The following SLC25A33 variants were observed in gnomAD, a reference collection of about 807,000 sequenced individuals.
SLC25A33 encodes the protein bone marrow stromal cell mitochondrial carrier protein.
A neutral mutation model predicts 35.5 loss-of-function variants in SLC25A33; 15 were observed. The ratio of observed to expected loss-of-function variants is 0.42; its 90% CI spans 0.28 to 0.65. The LOEUF (loss-of-function observed/expected upper bound fraction) is 0.65, where lower values mean the gene tolerates loss of function less well. SLC25A33 is among the 30% of genes least tolerant of loss of function. SLC25A33 has a pLI of 0.20. For missense variants in SLC25A33, 257 were observed against 398.5 expected (o/e 0.64, Z 3.02); for synonymous variants, 136 against 148.7 (o/e 0.91, Z 0.62).
chr1:9,547,743 G>A (rs913076522), intron 1 of SLC25A33, among the ~76,000 whole-genome samples: 1 of 151,406 alleles, frequency 6.6e-6, no homozygotes, highest in African/African-American at 2.4e-5. Flanking sequence ...TTTTATTACT[G>A]GGGTGGGGAC....
At chr1:9,575,827 T>G (rs925885313) in intron 5 of SLC25A33, among the ~76,000 whole-genome samples, 1 of 152,248 alleles carries the variant, frequency 6.6e-6, no homozygotes, top group African/African-American at 2.4e-5. Context: ...CAGACTCTTT[T>G]GATGAATCTG....
At chr1:9,548,017 G>T (rs1025025807) in intron 1 of SLC25A33, among the ~76,000 whole-genome samples, 8 of 151,886 alleles carry the variant, frequency 5.3e-5, no homozygotes, top group Non-Finnish European at 1.0e-4. Context: ...TGGGACTACA[G>T]GTGCGCACCA....
intron 4 of SLC25A33, 56 bp downstream of exon 4, chr1:9,570,414 C>A: frequency 1.4e-6 from 2 of 1,420,568 alleles, no homozygotes; most frequent in Middle Eastern, 1.8e-4. Flanking sequence ...CTAAAGCATG[C>A]ATTGTGCCAG....
At chr1:9,560,717 T>G (rs1643411413) in intron 2 of SLC25A33, among the ~76,000 whole-genome samples, 1 of 151,650 alleles carries the variant, frequency 6.6e-6, no homozygotes, top group Non-Finnish European at 1.5e-5. Flanking sequence ...AGTATTCTGT[T>G]AAAGAAAAAA....
At chr1:9,540,144 T>C (rs1430603440) in intron 1 of SLC25A33, among the ~76,000 whole-genome samples, 3 of 149,096 alleles carry the variant, frequency 2.0e-5, no homozygotes, top group Non-Finnish European at 4.5e-5. Context: ...TCAGAGCCCG[T>C]GGTAGGATCG....
In SLC25A33 at chr1:9,580,854, CAAAAAAA is replaced by C. The variant is rs200156885; in HGVS notation, c.763+627_763+633del. 2.9e-3 allele frequency among the ~76,000 whole-genome samples: 400 copies of C among 139,376 alleles called. 3 individuals are homozygous for C. Among genetic ancestry groups the C allele is most frequent in the African/African-American group, 9.6e-3 (348 of 36,288 alleles). The allele number at this position is 139,376 out of a possible 152,430, so 91.4% of individuals were successfully genotyped here. On this transcript the variant is annotated intron_variant, in intron 6 of 6. Transcript: ENST00000302692. ...CTGGCAACAGAGCGAGACTCTGTCT[CAAAAAAA>C]AAAAAATAATAATAATAATAATAAT... is the stretch of plus-strand genomic sequence containing the variant.
chr1:9,546,601 G>C (rs1643174182), intron 1 of SLC25A33, among the ~76,000 whole-genome samples: 1 of 152,160 alleles, frequency 6.6e-6, no homozygotes, highest in African/African-American at 2.4e-5. Flanking sequence ...ACAAGCATGA[G>C]TCCCAGCTGG....
At chr1:9,568,723 C>T (rs1483581662) in intron 3 of SLC25A33, among the ~76,000 whole-genome samples, 2 of 151,988 alleles carry the variant, frequency 1.3e-5, no homozygotes, top group African/African-American at 4.8e-5. Context: ...TGATGGCTGG[C>T]ACCTGTAGTC....
chr1:9,552,110 G>T (rs1256641205), intron 1 of SLC25A33, among the ~76,000 whole-genome samples: 1 of 152,168 alleles, frequency 6.6e-6, no homozygotes, highest in Non-Finnish European at 1.5e-5. Context: ...CAAATGATTG[G>T]CTTAGGGGAA....
chr1:9,553,230 G>GTTTTTTTTTTTTTTTTTTTTTTT (rs1340250968), intron 1 of SLC25A33, among the ~76,000 whole-genome samples: 1 of 91,214 alleles, frequency 1.1e-5, no homozygotes, highest in Non-Finnish European at 2.0e-5. Context: ...TTTTTTTTGG[G>GTTTTTTTTTTTTTTTTTTTTTTT]TTTTTTTTTT....
rs531219918 is a variant in SLC25A33, at chr1:9,553,668, A to G, written c.99A>G (p.Glu33=). The change falls in exon 2 of 7, where the codon GAA becomes GAG. Residue 33 remains glutamate (E), a synonymous_variant. Transcript: ENST00000302692. ...GTGCTATTTTCACTTGTCCACTAGA[A>G]GTCATTAAGACACGGTTGCAGTCTT... ...TVGAIFTCPL[E]VIKTRLQSSR... is the part of the protein sequence containing the mutation. The G allele has an allele frequency of 8.7e-6, 14 of 1,614,006 alleles. No individual in the cohort carries two copies. In the African/African-American group the frequency reaches 1.6e-4, roughly 18 times the overall value.
intron 1 of SLC25A33, among the ~76,000 whole-genome samples, chr1:9,541,010 T>C (rs908288925): frequency 2.0e-5 from 3 of 151,952 alleles, no homozygotes; most frequent in Non-Finnish European, 4.4e-5. Flanking sequence ...GAGGGAGTCT[T>C]CCTCTGTCGC....
At chr1:9,580,291 G>A (rs1262628689) in intron 6 of SLC25A33, 57 bp downstream of exon 6, 3 of 1,582,786 alleles carry the variant, frequency 1.9e-6, no homozygotes, top group Non-Finnish European at 2.6e-6. Flanking sequence ...TTTGTTGTTT[G>A]TGGGTATATC....
rs745917153 is a variant in SLC25A33, at chr1:9,573,329, GT to G, written c.416-5del. On this transcript the variant is annotated splice_polypyrimidine_tract_variant and intron_variant, in intron 4 of 6. Transcript: ENST00000302692. Reference sequence around the variant, plus strand: ...ACTATGTACAGTGTTGACCTTTACTGTTTTTTTTTTTTCCAGCTTTTATCAC... The same window carrying G: ...ACTATGTACAGTGTTGACCTTTACTGTTTTTTTTTTTCCAGCTTTTATCAC... The G allele has an allele frequency of 0.047, 52,910 of 1,132,320 alleles. 455 individuals carry two copies. The highest frequency in any genetic ancestry group is 0.15 in the African/African-American group (9,450 of 63,272). The allele number at this position is 1,132,320 out of a possible 1,614,324, so 70.1% of individuals were successfully genotyped here. A position where few individuals can be genotyped will look rare whatever the true frequency, so the allele number is the denominator to read the frequency against.
At chr1:9,552,235 T>A (rs1039703643) in intron 1 of SLC25A33, among the ~76,000 whole-genome samples, 2 of 151,946 alleles carry the variant, frequency 1.3e-5, no homozygotes, top group Non-Finnish European at 2.9e-5. Flanking sequence ...TTTTTTTTTT[T>A]AAGACAGTCT....
At chr1:9,564,739 AATATATAT>A (rs70979762) in intron 2 of SLC25A33, among the ~76,000 whole-genome samples, 5 of 96,584 alleles carry the variant, frequency 5.2e-5, no homozygotes, top group Admixed American at 1.1e-4. Flanking sequence ...AAAAAAAAAA[AATATATAT>A]ATATATATAT....
chr1:9,539,662 G>C lies in SLC25A33; in HGVS notation c.-30G>C, dbSNP rs1643045131. On this transcript the variant is annotated 5_prime_UTR_variant, in exon 1 of 7. Transcript: ENST00000302692. ...AGCCGCCACGCGCTCTCGCCACCGG[G>C]CGGCGACGGGCCGCGGAGCCGGCGC... The C allele has an allele frequency of 7.4e-7, 1 of 1,346,602 alleles. No homozygotes were observed. Among genetic ancestry groups the C allele is most frequent in the Non-Finnish European group, 9.5e-7 (1 of 1,052,284 alleles). 83.4% of individuals were successfully genotyped at this position (1,346,602 alleles called of 1,614,324 possible).
chr1:9,549,324 A>C (rs1378249123), intron 1 of SLC25A33, among the ~76,000 whole-genome samples: 1 of 136,902 alleles, frequency 7.3e-6, no homozygotes. Flanking sequence ...TGCTGGTGGG[A>C]TCAATGGGGG....
chr1:9,549,420 G>T (rs1437022256), intron 1 of SLC25A33, among the ~76,000 whole-genome samples: 1 of 104,910 alleles, frequency 9.5e-6, no homozygotes, highest in South Asian at 4.7e-4. Context: ...GATCAATGGG[G>T]GGGGATGAAC....
Sources: allele counts gnomAD v4.1 joint callset (sites outside exome capture counted in the v4.1 genomes callset), GRCh38; gene constraint gnomAD v4.1.1; transcripts MANE v1.5; gene names NCBI Gene and HGNC (gene_info 2026-07-23, HGNC 2026-07-21).